Variants in FBXL17 observed in about 807,000 individuals in gnomAD.
FBXL17 encodes the protein F-box and leucine rich repeat protein 17, also known as F-box/LRR-repeat protein 17.
A neutral mutation model predicts 66.2 loss-of-function variants in FBXL17; 22 were observed. That is an observed-to-expected ratio of 0.33 (90% CI 0.24 to 0.47). FBXL17 has a LOEUF of 0.47. Ranked by LOEUF, FBXL17 falls within the 20% of genes least tolerant of loss-of-function variation. The pLI is 1.00. For missense variants in FBXL17, 878 were observed against 948.2 expected, an observed-to-expected ratio of 0.93 and a Z score of 0.97; for synonymous variants, 474 against 400.5, an observed-to-expected ratio of 1.18 and a Z score of -2.19.
chr5:108,033,962 T>C (rs904975969), intron 6 of FBXL17, among the ~76,000 whole-genome samples: 7 of 152,202 alleles, frequency 4.6e-5, no homozygotes, highest in African/African-American at 1.7e-4. Flanking sequence ...TTTGAAAAAG[T>C]GTACAAGACA....
At chr5:108,201,073 T>A (rs1753874679) in intron 5 of FBXL17, among the ~76,000 whole-genome samples, 1 of 152,170 alleles carries the variant, frequency 6.6e-6, no homozygotes, top group Admixed American at 6.6e-5. Context: ...AACTAACTTC[T>A]AACGATTAAT....
At position 108,177,930 on chromosome 5, in the gene FBXL17, T is replaced by TAC. The variant is rs1282357336; in HGVS notation, c.1745+8186_1745+8187insGT. Among the ~76,000 whole-genome samples the TAC allele has an allele frequency of 5.8e-4, 72 of 124,996 alleles. 1 individual carries two copies. The highest frequency in any genetic ancestry group is 3.2e-3 in the South Asian group (13 of 4,094). 82.0% of individuals were successfully genotyped at this position (124,996 alleles called of 152,430 possible). On this transcript the variant is annotated intron_variant, in intron 6 of 8. Transcript: ENST00000542267. ...AAAAATGTATATATATATATATATATATACACACACACACTATTACCTCAC... is the reference window on the plus strand; with the variant it reads ...AAAAATGTATATATATATATATATATACATACACACACACACTATTACCTCAC...
At chr5:108,221,524 C>T (rs1754863178) in intron 5 of FBXL17, among the ~76,000 whole-genome samples, 1 of 152,164 alleles carries the variant, frequency 6.6e-6, no homozygotes, top group Non-Finnish European at 1.5e-5. Context: ...CTTTGCCTCT[C>T]TCTTAGCAAA....
intron 7 of FBXL17, among the ~76,000 whole-genome samples, chr5:107,904,583 C>A (rs1216262013): frequency 6.6e-6 from 1 of 152,058 alleles, no homozygotes; most frequent in Non-Finnish European, 1.5e-5. Context: ...CCTTAAATAG[C>A]CTGCTTTGGG....
intron 7 of FBXL17, among the ~76,000 whole-genome samples, chr5:107,968,010 T>C (rs1752220158): frequency 6.6e-6 from 1 of 152,144 alleles, no homozygotes; most frequent in Admixed American, 6.6e-5. Flanking sequence ...TATACTAAGG[T>C]ATAACGGACA....
At chr5:107,865,412 T>C (rs1263689742) in intron 8 of FBXL17, among the ~76,000 whole-genome samples, 1 of 51,924 alleles carries the variant, frequency 1.9e-5, no homozygotes, top group East Asian at 3.1e-4. Flanking sequence ...GTAGGGTTAA[T>C]TTATTTTGCC....
chr5:108,049,798 G>A (rs1023852396), intron 6 of FBXL17, among the ~76,000 whole-genome samples: 5 of 152,108 alleles, frequency 3.3e-5, no homozygotes, highest in African/African-American at 7.2e-5. Context: ...CTGGCAAACT[G>A]GATAAGGAGT....
chr5:108,075,476 T>C (rs1442824917), intron 6 of FBXL17, among the ~76,000 whole-genome samples: 2 of 152,202 alleles, frequency 1.3e-5, no homozygotes, highest in East Asian at 1.9e-4. Flanking sequence ...TTGAATCCCG[T>C]GTTGTTTGTT....
At chr5:107,944,719 A>G (rs1040452769) in intron 7 of FBXL17, among the ~76,000 whole-genome samples, 7 of 152,180 alleles carry the variant, frequency 4.6e-5, no homozygotes, top group African/African-American at 7.2e-5. Context: ...TGTTCATTCA[A>G]TTAAATCACA....
intron 6 of FBXL17, among the ~76,000 whole-genome samples, chr5:108,116,777 CT>C (rs1750275897): frequency 6.6e-6 from 1 of 151,936 alleles, no homozygotes; most frequent in African/African-American, 2.4e-5. Flanking sequence ...AAAAAAACAG[CT>C]CAGATAGATC....
chr5:108,299,386 T>C (rs977650027), intron 4 of FBXL17: 5 of 981,114 alleles, frequency 5.1e-6, no homozygotes, highest in Non-Finnish European at 6.1e-6. Context: ...TACGTTTTCA[T>C]ATCAACACAA....
intron 6 of FBXL17, among the ~76,000 whole-genome samples, chr5:108,116,509 G>T (rs7729464): frequency 2.6e-5 from 4 of 151,086 alleles, no homozygotes; most frequent in African/African-American, 9.7e-5. Context: ...TTAGCTGGGC[G>T]TGGTGGCATG....
intron 6 of FBXL17, among the ~76,000 whole-genome samples, chr5:108,128,489 A>G (rs980191920): frequency 2.6e-5 from 4 of 152,182 alleles, no homozygotes; most frequent in Non-Finnish European, 5.9e-5. Flanking sequence ...GTTATAAAAC[A>G]GATGAAAAGT....
chr5:108,091,678 C>T (rs114793487), intron 6 of FBXL17, among the ~76,000 whole-genome samples: 3 of 152,298 alleles, frequency 2.0e-5, no homozygotes, highest in Admixed American at 1.3e-4. Flanking sequence ...CTTACACACA[C>T]AGCACATACC....
At chr5:108,322,866 T>C (rs1759681322) in intron 4 of FBXL17, among the ~76,000 whole-genome samples, 1 of 151,886 alleles carries the variant, frequency 6.6e-6, no homozygotes, top group Non-Finnish European at 1.5e-5. Context: ...GAAAAAAAGA[T>C]CGAGCTCCAA....
intron 4 of FBXL17, among the ~76,000 whole-genome samples, chr5:108,270,091 T>C (rs1757204662): frequency 6.6e-6 from 1 of 152,144 alleles, no homozygotes. Context: ...AATATGTAGA[T>C]TAAAGATACT....
intron 4 of FBXL17, among the ~76,000 whole-genome samples, chr5:108,333,369 G>A (rs550192464): frequency 6.6e-6 from 1 of 151,824 alleles, no homozygotes; most frequent in Non-Finnish European, 1.5e-5. Flanking sequence ...ATGCAAAGAT[G>A]GACAGACAAA....
chr5:108,200,443 C>A (rs1222013528), intron 5 of FBXL17, among the ~76,000 whole-genome samples: 1 of 152,084 alleles, frequency 6.6e-6, no homozygotes, highest in Non-Finnish European at 1.5e-5. Context: ...TTATAACAAT[C>A]CAGAAACAGG....
At chr5:107,994,097 T>C (rs544420725) in intron 7 of FBXL17, among the ~76,000 whole-genome samples, 1 of 152,152 alleles carries the variant, frequency 6.6e-6, no homozygotes, top group Non-Finnish European at 1.5e-5. Context: ...AATTGTTTCA[T>C]TAATTAAGAA....
Sources: allele counts gnomAD v4.1 joint callset (sites outside exome capture counted in the v4.1 genomes callset), GRCh38; gene constraint gnomAD v4.1.1; transcripts MANE v1.5; gene names NCBI Gene and HGNC (gene_info 2026-07-23, HGNC 2026-07-21).